BTBD16: variants seen among roughly 807,000 people sequenced by gnomAD.
BTBD16 encodes BTB/POZ domain-containing protein 16.
A neutral mutation model predicts 67.4 loss-of-function variants in BTBD16; 66 were observed. The observed-to-expected ratio is 0.98, with a 90% CI of 0.80 to 1.20. The LOEUF (loss-of-function observed/expected upper bound fraction) is 1.20, where lower values mean the gene tolerates loss of function less well. BTBD16 is among the 50% of genes most tolerant of loss of function. The pLI is 0.00. For synonymous variants in BTBD16, 242 were observed against 236.4 expected (o/e 1.02, Z -0.22); for missense variants, 634 against 616.0 (o/e 1.03, Z -0.31).
At chr10:122,299,754 C>T (rs1279452513) in intron 9 of BTBD16, among the ~76,000 whole-genome samples, 2 of 152,094 alleles carry the variant, frequency 1.3e-5, no homozygotes, top group East Asian at 1.9e-4. Flanking sequence ...CTATGGGCCT[C>T]GCTCCATGGG....
chr10:122,281,803 G>T (rs1312990354), intron 3 of BTBD16, among the ~76,000 whole-genome samples: 1 of 152,156 alleles, frequency 6.6e-6, no homozygotes, highest in Non-Finnish European at 1.5e-5. Context: ...TGGATAGTTT[G>T]CTCCAGGAAG....
At chr10:122,295,022 G>T (rs1425818238) in intron 7 of BTBD16, among the ~76,000 whole-genome samples, 1 of 152,224 alleles carries the variant, frequency 6.6e-6, no homozygotes, top group Non-Finnish European at 1.5e-5. Context: ...TGACCGGTGA[G>T]GCCATGAGCT....
chr10:122,273,286 A>T (rs184090142), intron 1 of BTBD16, among the ~76,000 whole-genome samples: 1 of 151,016 alleles, frequency 6.6e-6, no homozygotes, highest in East Asian at 1.9e-4. Context: ...AGATATAGGT[A>T]ACATGTATAG....
In BTBD16 at chr10:122,314,392, T is replaced by A. The variant is rs528380971; in HGVS notation, c.911+7084T>A. Among the ~76,000 whole-genome samples the A allele has an allele frequency of 2.0e-5, 3 of 152,202 alleles. No individual in the cohort carries two copies. In the South Asian group the frequency reaches 6.2e-4, roughly 32 times the overall value. ...GGTGGCACACTCCTGTAGTCCCAAC[T>A]ACTTGAGAGGCTGAGGCAGGAGGAT... On this transcript the variant is annotated intron_variant, in intron 10 of 15. Transcript: ENST00000260723.
rs768836804 is a variant in BTBD16 at position 122,299,065 on chromosome 10, TA to T, written c.723del (p.Thr244ArgfsTer17). 19 of 1,614,016 alleles carry T rather than the reference TA, an allele frequency of 1.2e-5. No individual in the cohort carries two copies. The highest frequency in any genetic ancestry group is 1.6e-5 in the Non-Finnish European group (19 of 1,179,974). On this transcript the variant is annotated frameshift_variant, in exon 9 of 16. Coordinates refer to ENST00000260723, the MANE Select transcript of BTBD16 (RefSeq NM_144587.5). LOFTEE classifies it high-confidence loss of function. Reference protein sequence around the residue: ...EKWLEMNLVPLGGTQIHLHKI... With the variant: ...EKWLEMNLVPXGGTQIHLHKI... ...TGGCTGGAAATGAACTTGGTTCCTC[TA>T]GGGGGGACGCAGATCCACCTCCACA...
chr10:122,332,223 C>A (rs370736781), intron 12 of BTBD16: 12 of 535,772 alleles, frequency 2.2e-5, no homozygotes, highest in Non-Finnish European at 3.6e-5. Flanking sequence ...CTTCTCCTTG[C>A]ATCCTCTGAG....
chr10:122,290,356 A>G (rs1467520102), intron 6 of BTBD16, among the ~76,000 whole-genome samples: 1 of 152,148 alleles, frequency 6.6e-6, no homozygotes, highest in Non-Finnish European at 1.5e-5. Flanking sequence ...CCTTGCTCCC[A>G]AATAACACTT....
intron 7 of BTBD16, among the ~76,000 whole-genome samples, chr10:122,292,881 C>G (rs979783480): frequency 1.3e-5 from 2 of 152,214 alleles, no homozygotes; most frequent in Admixed American, 1.3e-4. Context: ...TAAGAAAGAG[C>G]ATTTCTTAGA....
At chr10:122,281,635 G>C (rs1245937665) in intron 3 of BTBD16, among the ~76,000 whole-genome samples, 3 of 152,144 alleles carry the variant, frequency 2.0e-5, no homozygotes, top group African/African-American at 7.2e-5. Context: ...ATGAAAGAGA[G>C]AATGCTAACT....
At chr10:122,283,237 T>C (rs1180734434) in intron 3 of BTBD16, among the ~76,000 whole-genome samples, 1 of 152,184 alleles carries the variant, frequency 6.6e-6, no homozygotes, top group Non-Finnish European at 1.5e-5. Flanking sequence ...CACAGGGGCT[T>C]AGACGAAGGC....
At chr10:122,303,657 A>C in intron 9 of BTBD16, 3 of 881,580 alleles carry the variant, frequency 3.4e-6, no homozygotes, top group Non-Finnish European at 4.1e-6. Flanking sequence ...TTTCTCAGTG[A>C]AAAATAGAGG....
chr10:122,277,803 G>C (rs1381657926), intron 3 of BTBD16, among the ~76,000 whole-genome samples: 2 of 152,116 alleles, frequency 1.3e-5, no homozygotes, highest in Non-Finnish European at 2.9e-5. Context: ...CTCCAACATT[G>C]GGGATCAAAT....
chr10:122,330,108 A>G (rs1411266601), intron 11 of BTBD16, among the ~76,000 whole-genome samples: 1 of 152,126 alleles, frequency 6.6e-6, no homozygotes, highest in East Asian at 1.9e-4. Flanking sequence ...AGCTATCCAG[A>G]TATAATAAGT....
At chr10:122,321,217 G>A (rs2096434892) in intron 10 of BTBD16, among the ~76,000 whole-genome samples, 1 of 152,110 alleles carries the variant, frequency 6.6e-6, no homozygotes, top group Admixed American at 6.5e-5. Flanking sequence ...GGGATTCCAT[G>A]GTATATATGC....
intron 3 of BTBD16, 40 bp downstream of exon 3, chr10:122,276,979 T>C (rs7090214): frequency 0.57 from 908,118 of 1,592,844 alleles, 266,030 homozygotes; most frequent in East Asian, 0.91. Flanking sequence ...AATGGCCCAT[T>C]ATTCCTGGGA....
chr10:122,297,848 C>T lies in BTBD16; in HGVS notation c.660+11C>T, dbSNP rs758546734. The T allele has an allele frequency of 6.2e-7, 1 of 1,613,890 alleles. No homozygotes were observed. Among genetic ancestry groups the T allele is most frequent in the Non-Finnish European group, 8.5e-7 (1 of 1,179,874 alleles). ...GAGGCCGGCTGCAAGGTGAGAACAA[C>T]CCAGACGGGGCACATCGCCCCTTGG... On this transcript the variant is annotated intron_variant, in intron 8 of 15. Transcript: ENST00000260723.
rs969519112 is a variant in BTBD16, at chr10:122,275,078, A to T, written c.-4A>T. 1.9e-6 allele frequency: 3 copies of T among 1,613,916 alleles called. No homozygotes were observed. Among genetic ancestry groups the T allele is most frequent in the Non-Finnish European group, 2.5e-6 (3 of 1,179,924 alleles). On this transcript the variant is annotated 5_prime_UTR_variant, in exon 2 of 16. Transcript: ENST00000260723. ...TCTCTCCTGCGTAATTTCCACTTTC[A>T]TTCATGATAATGTCGAACACGGTGA...
intron 7 of BTBD16, among the ~76,000 whole-genome samples, chr10:122,296,391 A>G (rs1343389023): frequency 6.6e-6 from 1 of 152,094 alleles, no homozygotes; most frequent in Admixed American, 6.5e-5. Context: ...GGCCTTATGG[A>G]AGGATACATT....
At chr10:122,320,914 A>G (rs1228759195) in intron 10 of BTBD16, among the ~76,000 whole-genome samples, 1 of 152,158 alleles carries the variant, frequency 6.6e-6, no homozygotes, top group Non-Finnish European at 1.5e-5. Context: ...ACATGGATAT[A>G]TTACATGATG....
Sources: allele counts gnomAD v4.1 joint callset (sites outside exome capture counted in the v4.1 genomes callset), GRCh38; gene constraint gnomAD v4.1.1; transcripts MANE v1.5; gene names NCBI Gene and HGNC (gene_info 2026-07-23, HGNC 2026-07-21).